The following EDIL3 variants were observed in gnomAD, a reference collection of about 807,000 sequenced individuals.
EDIL3 encodes the protein EGF-like repeat and discoidin I-like domain-containing protein 3.
In EDIL3, 37 loss-of-function variants were observed where a neutral mutation model predicts 67.4. The ratio of observed to expected loss-of-function variants is 0.55; its 90% CI spans 0.42 to 0.72. EDIL3 has a LOEUF of 0.72. Ranked by LOEUF, EDIL3 falls within the 30% of genes least tolerant of loss-of-function variation. The pLI is 0.00. For synonymous variants in EDIL3, 195 were observed against 196.3 expected (o/e 0.99, Z 0.05); for missense variants, 527 against 586.3 (o/e 0.90, Z 1.04).
At chr5:84,010,287 T>G (rs1252624669) in intron 9 of EDIL3, among the ~76,000 whole-genome samples, 1 of 152,162 alleles carries the variant, frequency 6.6e-6, no homozygotes, top group Non-Finnish European at 1.5e-5. Flanking sequence ...CACATAAAAT[T>G]TTTACTCTAT....
intron 2 of EDIL3, among the ~76,000 whole-genome samples, chr5:84,245,223 G>A (rs1294257358): frequency 6.6e-6 from 1 of 152,016 alleles, no homozygotes; most frequent in African/African-American, 2.4e-5. Context: ...GTAATCAAAT[G>A]TTTGAATGAA....
intron 1 of EDIL3, among the ~76,000 whole-genome samples, chr5:84,344,276 T>C (rs1747191893): frequency 6.6e-6 from 1 of 152,156 alleles, no homozygotes; most frequent in African/African-American, 2.4e-5. Context: ...TATTTTATTA[T>C]AAGCAAATAA....
chr5:84,066,536 T>C lies in EDIL3; in HGVS notation c.722A>G (p.Glu241Gly), dbSNP rs1374203846. The part of the protein sequence containing the change: ...TQGAKRIGSP[E>G]YIKSYKIAYS... ...GGCAATTTTGTAGGATTTTATATAC[T>C]CTGGGCTTCCAATCCTCTTGGCTCC... The change falls in exon 7 of 11, where the codon GAG (glutamate) becomes GGG (glycine). Residue 241 changes from glutamate (E) to glycine (G), a missense_variant. This residue lies in a region of EDIL3 where 494 missense variants were observed against 522.5 expected (regional missense o/e 0.95). Coordinates refer to ENST00000296591, the MANE Select transcript of EDIL3 (RefSeq NM_005711.5). 6 of 1,613,546 alleles carry C rather than the reference T, an allele frequency of 3.7e-6. No homozygotes were observed. Among genetic ancestry groups the C allele is most frequent in the Non-Finnish European group, 5.1e-6 (6 of 1,179,878 alleles).
intron 6 of EDIL3, among the ~76,000 whole-genome samples, chr5:84,102,879 T>G (rs1023417197): frequency 3.3e-5 from 5 of 151,652 alleles, no homozygotes; most frequent in African/African-American, 1.2e-4. Flanking sequence ...AAATACTATC[T>G]TAAAATAGCC....
At chr5:84,073,366 G>T (rs1746782646) in intron 6 of EDIL3, among the ~76,000 whole-genome samples, 4 of 152,136 alleles carry the variant, frequency 2.6e-5, no homozygotes, top group Admixed American at 2.6e-4. Flanking sequence ...GAAGGAGAAG[G>T]AAATAAAGTG....
chr5:83,986,276 C>T (rs1308671631), intron 9 of EDIL3, among the ~76,000 whole-genome samples: 1 of 152,040 alleles, frequency 6.6e-6, no homozygotes, highest in Non-Finnish European at 1.5e-5. Context: ...TTCCAAATAA[C>T]CAAGATGTAG....
chr5:84,098,114 A>C (rs140206030), intron 6 of EDIL3, among the ~76,000 whole-genome samples: 1 of 150,060 alleles, frequency 6.7e-6, no homozygotes, highest in Non-Finnish European at 1.5e-5. Flanking sequence ...AAAAAAAAAA[A>C]CTTGTTTAAC....
chr5:84,120,023 C>T (rs1448022884), intron 5 of EDIL3, among the ~76,000 whole-genome samples: 2 of 151,802 alleles, frequency 1.3e-5, no homozygotes, highest in African/African-American at 4.8e-5. Context: ...GGTACCCAGC[C>T]AACTCTTTTC....
intron 1 of EDIL3, among the ~76,000 whole-genome samples, chr5:84,288,986 A>T (rs1294067691): frequency 6.6e-6 from 1 of 152,182 alleles, no homozygotes; most frequent in African/African-American, 2.4e-5. Flanking sequence ...AAAGCAACGT[A>T]TAGTGTGGAG....
At chr5:84,072,849 G>A (rs1746765345) in intron 6 of EDIL3, among the ~76,000 whole-genome samples, 1 of 152,064 alleles carries the variant, frequency 6.6e-6, no homozygotes, top group African/African-American at 2.4e-5. Flanking sequence ...AAGAATGGAG[G>A]GATGGTGGAG....
At chr5:84,366,552 T>G (rs1747739176) in intron 1 of EDIL3, among the ~76,000 whole-genome samples, 2 of 152,226 alleles carry the variant, frequency 1.3e-5, no homozygotes, top group Admixed American at 1.3e-4. Context: ...CACATTATTC[T>G]ATAAATATGT....
intron 5 of EDIL3, among the ~76,000 whole-genome samples, chr5:84,117,155 GT>G (rs1747685226): frequency 6.7e-6 from 1 of 149,556 alleles, no homozygotes; most frequent in Admixed American, 6.8e-5. Flanking sequence ...AGCCTCCTGA[GT>G]AGCTGGGACT....
intron 4 of EDIL3, among the ~76,000 whole-genome samples, chr5:84,141,487 AATTATATAT>A (rs1335460030): frequency 6.8e-6 from 1 of 147,112 alleles, no homozygotes; most frequent in African/African-American, 2.5e-5. Flanking sequence ...TATATTTCAT[AATTATATAT>A]ATTATATATA....
intron 1 of EDIL3, among the ~76,000 whole-genome samples, chr5:84,341,846 C>T (rs1747123340): frequency 6.6e-6 from 1 of 151,914 alleles, no homozygotes; most frequent in African/African-American, 2.4e-5. Context: ...CTGAATGTCC[C>T]TATGTTTTAG....
chr5:84,348,858 A>G (rs1257566607), intron 1 of EDIL3, among the ~76,000 whole-genome samples: 1 of 152,192 alleles, frequency 6.6e-6, no homozygotes, highest in Non-Finnish European at 1.5e-5. Context: ...TTGTTGAGCA[A>G]TGTTACACTT....
intron 1 of EDIL3, among the ~76,000 whole-genome samples, chr5:84,351,325 T>C (rs539930852): frequency 1.4e-4 from 22 of 152,148 alleles, no homozygotes; most frequent in South Asian, 8.3e-4. Flanking sequence ...TTGGCATTCT[T>C]TTAAGACCTC....
chr5:83,963,369 A>C lies in EDIL3; in HGVS notation c.1138-9T>G. 1 of 1,590,378 alleles carries C rather than the reference A, an allele frequency of 6.3e-7. No homozygotes were observed. ...GGAACAAGAAGATCCACCTTAAAAAAAAGAAAAATACAGGCTTTAAATGCG... is the reference window on the plus strand; with the variant it reads ...GGAACAAGAAGATCCACCTTAAAAACAAGAAAAATACAGGCTTTAAATGCG... On this transcript the variant is annotated splice_polypyrimidine_tract_variant and intron_variant, in intron 9 of 10. Transcript: ENST00000296591.
intron 6 of EDIL3, among the ~76,000 whole-genome samples, chr5:84,106,343 C>T (rs777741298): frequency 1.3e-5 from 2 of 152,044 alleles, no homozygotes; most frequent in African/African-American, 4.8e-5. Flanking sequence ...TGCTGCTAAA[C>T]GTTATCACAG....
intron 9 of EDIL3, among the ~76,000 whole-genome samples, chr5:84,055,878 C>T (rs1203456044): frequency 3.3e-5 from 5 of 152,192 alleles, no homozygotes; most frequent in Non-Finnish European, 1.5e-5. Context: ...TAAACTAGTT[C>T]AACCATTGTG....
Sources: gnomAD v4.1 joint callset for allele counts (sites outside exome capture counted in the v4.1 genomes callset) on GRCh38, gnomAD v4.1.1 for gene constraint, gnomAD v4.1.1 regional missense constraint, MANE v1.5 for transcripts, NCBI Gene and HGNC (gene_info 2026-07-23, HGNC 2026-07-21) for gene names.